CAST: variants seen among roughly 807,000 people sequenced by gnomAD.
CAST encodes the protein MIR583 host.
CAST carries 76 observed loss-of-function variants against 119.6 expected under a neutral mutation model. The observed-to-expected ratio is 0.64, with a 90% CI of 0.53 to 0.77. The LOEUF (loss-of-function observed/expected upper bound fraction) is 0.77. Among genes scored for constraint, CAST ranks in the 30% least tolerant of loss-of-function variants. CAST has a pLI of 0.00. For synonymous variants in CAST, 319 were observed against 331.6 expected (o/e 0.96, Z 0.41); for missense variants, 953 against 946.5 (o/e 1.01, Z -0.09).
At chr5:96,203,642 A>G in the CAST span, among the ~76,000 whole-genome samples, 16 of 152,182 alleles carry the variant, frequency 1.1e-4, no homozygotes, top group African/African-American at 3.9e-4. Context: ...TTAATAATAG[A>G]AGAAAATGCT....
the CAST span, among the ~76,000 whole-genome samples, chr5:96,399,574 G>A: frequency 2.0e-5 from 3 of 152,144 alleles, no homozygotes; most frequent in Non-Finnish European, 4.4e-5. Context: ...AGCAGATTTT[G>A]GGTAAAACTG....
chr5:96,603,099 C>T (rs77121862), intron 1 of CAST, among the ~76,000 whole-genome samples: 54 of 152,140 alleles, frequency 3.5e-4, no homozygotes, highest in African/African-American at 1.3e-3. Flanking sequence ...GAAATCAATG[C>T]GTAATGGATC....
chr5:96,205,791 T>C, the CAST span, among the ~76,000 whole-genome samples: 1 of 152,094 alleles, frequency 6.6e-6, no homozygotes, highest in Admixed American at 6.6e-5. Flanking sequence ...TGTGCATATG[T>C]CTTTATAGTA....
chr5:96,534,427 T>C (rs970941564), intron 1 of CAST, among the ~76,000 whole-genome samples: 11 of 62,262 alleles, frequency 1.8e-4, no homozygotes, highest in African/African-American at 5.7e-4. Flanking sequence ...TCCCACCACT[T>C]TGGGAGGCTG....
the CAST span, among the ~76,000 whole-genome samples, chr5:96,075,915 CATGTGTGTTGAAA>C: frequency 6.6e-6 from 1 of 152,162 alleles, no homozygotes; most frequent in Non-Finnish European, 1.5e-5. Context: ...TAGGTTTAAG[CATGTGTGTTGAAA>C]ACAGGCTAAG....
At chr5:96,466,800 A>G in the CAST span, among the ~76,000 whole-genome samples, 1 of 152,148 alleles carries the variant, frequency 6.6e-6, no homozygotes, top group African/African-American at 2.4e-5. Flanking sequence ...AATGCATGCA[A>G]TGGAATAATG....
chr5:96,305,673 A>G, the CAST span, among the ~76,000 whole-genome samples: 29 of 152,184 alleles, frequency 1.9e-4, no homozygotes, highest in South Asian at 4.1e-3. Flanking sequence ...AGGCTGTTGA[A>G]TTTTGTCGAA....
At chr5:96,609,169 T>A (rs1236471811) in intron 1 of CAST, among the ~76,000 whole-genome samples, 1 of 152,220 alleles carries the variant, frequency 6.6e-6, no homozygotes, top group East Asian at 1.9e-4. Flanking sequence ...CATTTTTCCT[T>A]TAAAAACCTT....
the CAST span, among the ~76,000 whole-genome samples, chr5:96,352,653 C>T: frequency 1.3e-5 from 2 of 152,024 alleles, no homozygotes; most frequent in African/African-American, 2.4e-5. Context: ...CTTGGTAAGA[C>T]GTGCTTAGGT....
chr5:96,201,459 G>A, the CAST span, among the ~76,000 whole-genome samples: 4 of 151,998 alleles, frequency 2.6e-5, no homozygotes, highest in Admixed American at 6.6e-5. Flanking sequence ...ATCAATGCAC[G>A]AGCCACACAG....
intron 1 of CAST, among the ~76,000 whole-genome samples, chr5:96,642,903 A>G (rs1042552757): frequency 1.3e-5 from 2 of 152,052 alleles, no homozygotes; most frequent in Non-Finnish European, 2.9e-5. Flanking sequence ...CCTTGCATCT[A>G]TTTGCTCATT....
upstream of CAST, among the ~76,000 whole-genome samples, chr5:96,526,350 G>A (rs903990001): frequency 7.9e-5 from 12 of 152,140 alleles, no homozygotes; most frequent in Admixed American, 6.5e-5. Flanking sequence ...GAAGGTAGAG[G>A]TAGGAAAGGT....
At chr5:95,997,964 T>TTTC in the CAST span, among the ~76,000 whole-genome samples, 95 of 111,738 alleles carry the variant, frequency 8.5e-4, 2 homozygotes, top group East Asian at 4.0e-3. Flanking sequence ...TGAGAGAGGG[T>TTTC]TTTTTTTTTT....
chr5:96,744,152 A>G (rs182993031), intron 16 of CAST, among the ~76,000 whole-genome samples: 505 of 152,356 alleles, frequency 3.3e-3, no homozygotes, highest in African/African-American at 0.011. Flanking sequence ...CCCTCTAGAA[A>G]ACTTCAGAGT....
intron 1 of CAST, among the ~76,000 whole-genome samples, chr5:96,666,116 A>C (rs1749301964): frequency 6.6e-6 from 1 of 152,232 alleles, no homozygotes; most frequent in South Asian, 2.1e-4. Flanking sequence ...AAAATGAAAT[A>C]ATTAAAAGAC....
the CAST span, among the ~76,000 whole-genome samples, chr5:96,207,113 A>G: frequency 6.6e-6 from 1 of 151,732 alleles, no homozygotes; most frequent in South Asian, 2.1e-4. Flanking sequence ...GGACATTATT[A>G]CTGAATAGAA....
the CAST span, among the ~76,000 whole-genome samples, chr5:96,130,032 T>TC: frequency 6.6e-6 from 1 of 150,874 alleles, no homozygotes; most frequent in Admixed American, 6.6e-5. Context: ...TTTTTTTTTT[T>TC]TTTTTTTGAG....
chr5:96,160,210 T>C, the CAST span, among the ~76,000 whole-genome samples: 2 of 152,024 alleles, frequency 1.3e-5, no homozygotes, highest in African/African-American at 2.4e-5. Context: ...CACTATATAA[T>C]TTTGGAACAT....
At chr5:96,196,832 C>A in the CAST span, among the ~76,000 whole-genome samples, 1 of 152,136 alleles carries the variant, frequency 6.6e-6, no homozygotes, top group African/African-American at 2.4e-5. Flanking sequence ...ATAACTCAGG[C>A]TCTGTTTAGA....
Sources: allele counts gnomAD v4.1 joint callset (sites outside exome capture counted in the v4.1 genomes callset), GRCh38; gene constraint gnomAD v4.1.1; transcripts MANE v1.5; gene names NCBI Gene and HGNC (gene_info 2026-07-23, HGNC 2026-07-21).